The following ANKFN1 variants were observed in gnomAD, a reference collection of about 807,000 sequenced individuals.
ANKFN1 encodes ankyrin repeat and fibronectin type III domain containing 1, also known as ankyrin repeat and fibronectin type-III domain-containing protein 1.
ANKFN1 carries 74 observed loss-of-function variants against 108.7 expected under a neutral mutation model. That is an observed-to-expected ratio of 0.68 (90% CI 0.56 to 0.83). ANKFN1 has a LOEUF of 0.83. ANKFN1 is among the 40% of genes least tolerant of loss of function. The pLI is 0.00. For synonymous variants in ANKFN1, 547 were observed against 516.2 expected (o/e 1.06, Z -0.81); for missense variants, 1,505 against 1,382.3 (o/e 1.09, Z -1.41).
intron 1 of ANKFN1, among the ~76,000 whole-genome samples, chr17:56,183,462 A>T (rs1911882083): frequency 6.6e-6 from 1 of 152,192 alleles, no homozygotes; most frequent in Non-Finnish European, 1.5e-5. Flanking sequence ...TCATGCGGGC[A>T]GATCCCCCAT....
intron 3 of ANKFN1, among the ~76,000 whole-genome samples, chr17:56,262,315 G>T (rs2043533449): frequency 6.6e-6 from 1 of 152,188 alleles, no homozygotes; most frequent in African/African-American, 2.4e-5. Context: ...TTCCATTTAA[G>T]ACTTCTGCAG....
At chr17:56,236,010 A>T (rs1394095422) in intron 3 of ANKFN1, among the ~76,000 whole-genome samples, 1 of 151,440 alleles carries the variant, frequency 6.6e-6, no homozygotes, top group Non-Finnish European at 1.5e-5. Flanking sequence ...ATGTTTTTCC[A>T]TTTATTTGTG....
intron 20 of ANKFN1, among the ~76,000 whole-genome samples, chr17:56,502,890 A>T (rs1222264794): frequency 6.6e-6 from 1 of 152,086 alleles, no homozygotes; most frequent in Non-Finnish European, 1.5e-5. Flanking sequence ...ATCTTTTGGG[A>T]GTAGGTGGAT....
intron 2 of ANKFN1, among the ~76,000 whole-genome samples, chr17:56,222,086 A>C (rs1191110997): frequency 3.3e-5 from 5 of 152,238 alleles, no homozygotes; most frequent in Non-Finnish European, 7.3e-5. Flanking sequence ...TATAAGGAGC[A>C]CTGGCCTCAG....
chr17:56,118,550 A>G (rs963128604), intron 4 of ANKFN1, among the ~76,000 whole-genome samples: 3 of 152,100 alleles, frequency 2.0e-5, no homozygotes, highest in Non-Finnish European at 2.9e-5. Context: ...GCTATTGATG[A>G]TGATACATAG....
intron 3 of ANKFN1, among the ~76,000 whole-genome samples, chr17:56,274,793 A>T (rs2043881352): frequency 6.6e-6 from 1 of 152,216 alleles, no homozygotes; most frequent in Non-Finnish European, 1.5e-5. Context: ...GTATTCATTC[A>T]TTCAGCCAGA....
intron 3 of ANKFN1, among the ~76,000 whole-genome samples, chr17:56,242,653 G>T (rs1380520868): frequency 6.6e-6 from 1 of 151,868 alleles, no homozygotes; most frequent in Non-Finnish European, 1.5e-5. Context: ...AATTCTTTGA[G>T]CCTCTGATTT....
chr17:56,343,142 A>G (rs1164150567), intron 4 of ANKFN1, among the ~76,000 whole-genome samples: 3 of 151,586 alleles, frequency 2.0e-5, no homozygotes, highest in Admixed American at 6.6e-5. Context: ...TCTGTTTTCC[A>G]TTTGTTTGGT....
intron 4 of ANKFN1, among the ~76,000 whole-genome samples, chr17:56,127,502 C>T (rs1215088689): frequency 2.6e-5 from 4 of 152,122 alleles, no homozygotes; most frequent in Non-Finnish European, 5.9e-5. Flanking sequence ...TTAGTAGAGA[C>T]GGGGTTTTGC....
At chr17:56,122,310 A>G (rs140870346) in intron 4 of ANKFN1, among the ~76,000 whole-genome samples, 18 of 152,334 alleles carry the variant, frequency 1.2e-4, no homozygotes, top group African/African-American at 4.1e-4. Context: ...ACTTTATCAT[A>G]ACCTACTTTC....
intron 4 of ANKFN1, among the ~76,000 whole-genome samples, chr17:56,065,201 C>G (rs1905041559): frequency 6.6e-6 from 1 of 152,188 alleles, no homozygotes; most frequent in Admixed American, 6.5e-5. Context: ...GCTATTGCTT[C>G]CATCTTTTCT....
chr17:56,338,993 T>C (rs2045891577), intron 4 of ANKFN1, among the ~76,000 whole-genome samples: 1 of 152,080 alleles, frequency 6.6e-6, no homozygotes, highest in Non-Finnish European at 1.5e-5. Flanking sequence ...TCCCATTGGG[T>C]GGGCAATATC....
At chr17:56,240,784 T>C (rs1040335267) in intron 3 of ANKFN1, among the ~76,000 whole-genome samples, 3 of 152,120 alleles carry the variant, frequency 2.0e-5, no homozygotes, top group African/African-American at 7.2e-5. Context: ...TCTAGTGAAA[T>C]TGAGCATCTT....
intron 10 of ANKFN1, among the ~76,000 whole-genome samples, chr17:56,444,257 G>A (rs1027507842): frequency 6.6e-6 from 1 of 152,076 alleles, no homozygotes; most frequent in African/African-American, 2.4e-5. Flanking sequence ...TATGTTTTAT[G>A]TAAAAAGAAA....
intron 4 of ANKFN1, among the ~76,000 whole-genome samples, chr17:56,133,264 C>A (rs554809341): frequency 6.4e-4 from 97 of 152,236 alleles, no homozygotes; most frequent in African/African-American, 2.2e-3. Context: ...TGAACAGGTT[C>A]ATCAATTTTT....
intron 8 of ANKFN1, among the ~76,000 whole-genome samples, chr17:56,424,783 G>A (rs937163754): frequency 1.3e-5 from 2 of 152,240 alleles, no homozygotes; most frequent in African/African-American, 4.8e-5. Context: ...CAGCCCCTGT[G>A]GTAACAGAGT....
intron 3 of ANKFN1, among the ~76,000 whole-genome samples, chr17:56,250,498 C>A (rs1415680858): frequency 1.3e-5 from 2 of 152,206 alleles, no homozygotes; most frequent in Non-Finnish European, 2.9e-5. Context: ...CATCATTAAC[C>A]CAGGGAGCTT....
intron 3 of ANKFN1, among the ~76,000 whole-genome samples, chr17:56,291,834 A>T (rs1352935263): frequency 3.3e-5 from 5 of 152,210 alleles, no homozygotes; most frequent in Admixed American, 3.3e-4. Flanking sequence ...TCTTTTTAGC[A>T]CCAAATACTT....
chr17:56,424,229 T>C (rs936923219), intron 8 of ANKFN1, among the ~76,000 whole-genome samples: 2 of 152,192 alleles, frequency 1.3e-5, no homozygotes, highest in Non-Finnish European at 2.9e-5. Context: ...CCCTCAGACT[T>C]ACTCAAAATG....
Sources: allele counts gnomAD v4.1 joint callset (sites outside exome capture counted in the v4.1 genomes callset), GRCh38; gene constraint gnomAD v4.1.1; transcripts MANE v1.5; gene names NCBI Gene and HGNC (gene_info 2026-07-23, HGNC 2026-07-21).